Variants in ZFYVE9 observed in about 807,000 individuals in gnomAD.
ZFYVE9 encodes zinc finger FYVE-type containing 9.
Under a neutral mutation model 126.7 loss-of-function variants are expected in ZFYVE9, and 43 were observed. That is an observed-to-expected ratio of 0.34 (90% CI 0.27 to 0.44). The LOEUF (loss-of-function observed/expected upper bound fraction) is 0.44, where lower values mean the gene tolerates loss of function less well. Ranked by LOEUF, ZFYVE9 falls within the 20% of genes least tolerant of loss-of-function variation. The pLI is 1.00. For missense variants in ZFYVE9, 1,476 were observed against 1,697.0 expected, an observed-to-expected ratio of 0.87 and a Z score of 2.29; for synonymous variants, 521 against 597.4, an observed-to-expected ratio of 0.87 and a Z score of 1.87.
chr1:52,345,057 A>C, intron 18 of ZFYVE9, 113 bp downstream of exon 18: 1 of 1,180,870 alleles, frequency 8.5e-7, no homozygotes, highest in Non-Finnish European at 1.2e-6. Context: ...TTCTGGCCTG[A>C]CTGGATATAG....
intron 4 of ZFYVE9, among the ~76,000 whole-genome samples, chr1:52,250,134 T>C (rs564192059): frequency 6.6e-6 from 1 of 152,354 alleles, no homozygotes; most frequent in Non-Finnish European, 1.5e-5. Flanking sequence ...AATGGATTTT[T>C]CTGTTTCTGC....
intron 17 of ZFYVE9, among the ~76,000 whole-genome samples, chr1:52,342,645 C>T (rs1646448462): frequency 6.6e-6 from 1 of 151,816 alleles, no homozygotes; most frequent in Admixed American, 6.6e-5. Context: ...AGGCGATTCT[C>T]CTGCCTCAGC....
chr1:52,325,688 T>A (rs1483572016), intron 13 of ZFYVE9, among the ~76,000 whole-genome samples: 5 of 152,244 alleles, frequency 3.3e-5, no homozygotes, highest in Admixed American at 2.0e-4. Context: ...TTCGGTTTAC[T>A]AACTAGTATA....
chr1:52,155,495 A>G (rs1013120813), intron 1 of ZFYVE9, among the ~76,000 whole-genome samples: 1 of 151,942 alleles, frequency 6.6e-6, no homozygotes, highest in African/African-American at 2.4e-5. Context: ...CGGCCTCCCA[A>G]AGTGCTGGGA....
intron 4 of ZFYVE9, among the ~76,000 whole-genome samples, chr1:52,243,942 G>A (rs1420316081): frequency 2.0e-5 from 3 of 152,128 alleles, no homozygotes; most frequent in African/African-American, 7.2e-5. Flanking sequence ...TTGCCAAGGA[G>A]TGAGCGGAGA....
chr1:52,283,189 C>T (rs2147818499), intron 10 of ZFYVE9, among the ~76,000 whole-genome samples: 2 of 152,260 alleles, frequency 1.3e-5, no homozygotes, highest in South Asian at 4.1e-4. Flanking sequence ...TCACTTTTCT[C>T]CTCAATCTGA....
At chr1:52,216,780 T>G (rs1645075765) in intron 2 of ZFYVE9, among the ~76,000 whole-genome samples, 2 of 152,224 alleles carry the variant, frequency 1.3e-5, no homozygotes, top group Non-Finnish European at 2.9e-5. Context: ...TGAGCAATAT[T>G]TAAGCTCATG....
rs187003942 is a variant in ZFYVE9, at chr1:52,156,978, G to A, written c.-143+14575G>A. Among the ~76,000 whole-genome samples the A allele has an allele frequency of 1.0e-3, 159 of 151,986 alleles. 2 individuals carry two copies. Among genetic ancestry groups the A allele is most frequent in the Admixed American group, 9.8e-3 (150 of 15,252 alleles). ...CTCCCGAGTAGCTGGGACTACAGGC[G>A]CCCGCCACCTCGCCCGGCTAAATTT... On this transcript the variant is annotated intron_variant, in intron 1 of 18. Coordinates refer to ENST00000287727, the MANE Select transcript of ZFYVE9 (RefSeq NM_004799.4).
chr1:52,177,985 A>G (rs1644655540), intron 1 of ZFYVE9, among the ~76,000 whole-genome samples: 1 of 151,288 alleles, frequency 6.6e-6, no homozygotes, highest in African/African-American at 2.4e-5. Context: ...CCAATGAAGA[A>G]TTTAAAATAA....
intron 18 of ZFYVE9, chr1:52,345,847 C>A: frequency 2.3e-6 from 1 of 429,634 alleles, no homozygotes; most frequent in Non-Finnish European, 4.1e-6. Flanking sequence ...GGTTAAGTGG[C>A]TTACCCAGTG....
intron 2 of ZFYVE9, among the ~76,000 whole-genome samples, chr1:52,228,553 C>T (rs998914943): frequency 1.3e-5 from 2 of 152,184 alleles, no homozygotes. Flanking sequence ...GCACACCTTT[C>T]TTCCCTTCCC....
chr1:52,159,812 T>C (rs943164660), intron 1 of ZFYVE9, among the ~76,000 whole-genome samples: 1 of 152,090 alleles, frequency 6.6e-6, no homozygotes, highest in Non-Finnish European at 1.5e-5. Context: ...CTTTTTTTTT[T>C]TGAGATGGAG....
intron 11 of ZFYVE9, 144 bp downstream of exon 11, chr1:52,293,821 G>A: frequency 1.4e-6 from 1 of 714,816 alleles, no homozygotes. Flanking sequence ...TGCGTGTATT[G>A]GGCATAATGG....
At position 52,198,119 on chromosome 1, in the gene ZFYVE9, TGTTTG is replaced by T. The variant is rs796274479; in HGVS notation, c.-142-18249_-142-18245del. Among the ~76,000 whole-genome samples, 18 of 43,920 alleles carry T rather than the reference TGTTTG, an allele frequency of 4.1e-4. 1 individual carries two copies. The highest frequency in any genetic ancestry group is 1.3e-3 in the African/African-American group (16 of 12,744). The allele number at this position is 43,920 out of a possible 152,430, so 28.8% of individuals were successfully genotyped here. A position where few individuals can be genotyped will look rare whatever the true frequency, so the allele number is the denominator to read the frequency against. ...TAAATAATATTGTAGTGTTTTTTTT[TGTTTG>T]TTTTTTTTTTTTTTTGAGATGGAGT... On this transcript the variant is annotated intron_variant, in intron 1 of 18. Coordinates refer to ENST00000287727, the MANE Select transcript of ZFYVE9 (RefSeq NM_004799.4).
intron 14 of ZFYVE9, 80 bp from the exon 15 acceptor site, chr1:52,334,603 TCTCAA>T: frequency 7.1e-7 from 1 of 1,410,998 alleles, no homozygotes; most frequent in Non-Finnish European, 9.9e-7. Flanking sequence ...TGGTCGGAAT[TCTCAA>T]CTTCTGAATA....
rs146146248 is a variant in ZFYVE9 at position 52,153,241 on chromosome 1, G to A, written c.-143+10838G>A. On this transcript the variant is annotated intron_variant, in intron 1 of 18. Coordinates refer to ENST00000287727, the MANE Select transcript of ZFYVE9 (RefSeq NM_004799.4). ...ATTGCTACAGTCCATTCCTCATGAT[G>A]CACAGATCCATATCTTCACAGTTTC... Among the ~76,000 whole-genome samples the A allele has an allele frequency of 1.4e-4, 21 of 152,324 alleles. No individual in the cohort carries two copies. The East Asian group carries it at 3.5e-3, about 25-fold the overall frequency.
chr1:52,160,788 G>A (rs1326212490), intron 1 of ZFYVE9, among the ~76,000 whole-genome samples: 6 of 152,118 alleles, frequency 3.9e-5, no homozygotes, highest in African/African-American at 1.4e-4. Context: ...ATTTTCTCTT[G>A]AATGTGTTTT....
intron 8 of ZFYVE9, among the ~76,000 whole-genome samples, chr1:52,277,508 T>TA (rs1349712300): frequency 1.3e-5 from 2 of 152,182 alleles, no homozygotes; most frequent in Non-Finnish European, 2.9e-5. Flanking sequence ...TGACTTTACT[T>TA]AAAAAATTTT....
intron 12 of ZFYVE9, 23 bp downstream of exon 12, chr1:52,296,000 T>G (rs373449668): frequency 6.2e-7 from 1 of 1,606,136 alleles, no homozygotes; most frequent in African/African-American, 1.3e-5. Flanking sequence ...TTTTTTTTCC[T>G]TTGTCCTTAC....
Sources: gnomAD v4.1 joint callset for allele counts (sites outside exome capture counted in the v4.1 genomes callset) on GRCh38, gnomAD v4.1.1 for gene constraint, MANE v1.5 for transcripts, NCBI Gene and HGNC (gene_info 2026-07-23, HGNC 2026-07-21) for gene names.